CALB1: variants seen among roughly 807,000 people sequenced by gnomAD.
CALB1 encodes calbindin 1, also known as calbindin.
A neutral mutation model predicts 46.7 loss-of-function variants in CALB1; 16 were observed. The observed-to-expected ratio is 0.34, with a 90% CI of 0.23 to 0.52. The LOEUF (loss-of-function observed/expected upper bound fraction) is 0.52, where lower values mean the gene tolerates loss of function less well. Ranked by LOEUF, CALB1 falls within the 20% of genes least tolerant of loss-of-function variation. CALB1 has a pLI of 0.95. For synonymous variants in CALB1, 90 were observed against 112.8 expected (o/e 0.80, Z 1.28); for missense variants, 224 against 300.3 (o/e 0.75, Z 1.88).
intron 3 of CALB1, among the ~76,000 whole-genome samples, chr8:90,073,063 CTG>C (rs1017252303): frequency 3.3e-5 from 5 of 152,124 alleles, no homozygotes; most frequent in Admixed American, 2.0e-4. Flanking sequence ...AGGATGGGGT[CTG>C]TGTCTTATTT....
chr8:90,080,683 G>A (rs913748504), intron 2 of CALB1, among the ~76,000 whole-genome samples: 1 of 151,696 alleles, frequency 6.6e-6, no homozygotes, highest in African/African-American at 2.4e-5. Flanking sequence ...TTAAATCTGG[G>A]TAAAACAATC....
chr8:90,082,253 G>T (rs778930422), intron 1 of CALB1, 151 bp from the exon 2 acceptor site: 1 of 666,838 alleles, frequency 1.5e-6, no homozygotes, highest in South Asian at 1.8e-5. Flanking sequence ...ACGGTGAAGC[G>T]CTCCCCTCCT....
chr8:90,073,836 T>A (rs1282115067), intron 3 of CALB1, among the ~76,000 whole-genome samples: 1 of 152,118 alleles, frequency 6.6e-6, no homozygotes, highest in Non-Finnish European at 1.5e-5. Flanking sequence ...CCCCTGACAA[T>A]TTCAAAGCAG....
At chr8:90,068,582 T>A (rs1814442253) in intron 5 of CALB1, among the ~76,000 whole-genome samples, 1 of 152,198 alleles carries the variant, frequency 6.6e-6, no homozygotes, top group African/African-American at 2.4e-5. Context: ...TACGCAAAGA[T>A]TAAATAAGGC....
At chr8:90,066,620 A>G (rs1814403120) in intron 5 of CALB1, among the ~76,000 whole-genome samples, 1 of 152,068 alleles carries the variant, frequency 6.6e-6, no homozygotes, top group Admixed American at 6.5e-5. Flanking sequence ...TGAAAGATAT[A>G]TGAATCATAT....
At chr8:90,068,861 A>T in intron 5 of CALB1, 137 bp downstream of exon 5, 1 of 598,260 alleles carries the variant, frequency 1.7e-6, no homozygotes, top group Non-Finnish European at 2.9e-6. Context: ...TTCATTAACA[A>T]TGTCGAAGAG....
intron 3 of CALB1, among the ~76,000 whole-genome samples, chr8:90,072,085 T>C (rs1814532311): frequency 1.3e-5 from 2 of 152,338 alleles, no homozygotes; most frequent in East Asian, 3.9e-4. Context: ...TTTGTTTGGA[T>C]TTTTATAATT....
Position 90,059,984 on chromosome 8 carries a change from A to G in CALB1, c.*189T>C. The G allele has an allele frequency of 2.0e-6, 1 of 487,898 alleles. No individual in the cohort carries two copies. Among genetic ancestry groups the G allele is most frequent in the Non-Finnish European group, 3.6e-6 (1 of 275,426 alleles). The allele number at this position is 487,898 out of a possible 1,614,324, so 30.2% of individuals were successfully genotyped here. ...CATAGACTTTCTTCTTTTCAATCATATGGTTACAAAAACTGTATATTACAA... is the reference window on the plus strand; with the variant it reads ...CATAGACTTTCTTCTTTTCAATCATGTGGTTACAAAAACTGTATATTACAA... On this transcript the variant is annotated 3_prime_UTR_variant, in exon 11 of 11. Coordinates refer to ENST00000265431, the MANE Select transcript of CALB1 (RefSeq NM_004929.4).
At chr8:90,070,260 A>T (rs1814485833) in intron 3 of CALB1, among the ~76,000 whole-genome samples, 1 of 150,716 alleles carries the variant, frequency 6.6e-6, no homozygotes, top group Non-Finnish European at 1.5e-5. Context: ...TTAAATAATG[A>T]ATCTACACAC....
At chr8:90,071,379 T>A (rs1023428041) in intron 3 of CALB1, among the ~76,000 whole-genome samples, 4 of 151,896 alleles carry the variant, frequency 2.6e-5, no homozygotes, top group Non-Finnish European at 5.9e-5. Flanking sequence ...AAGTTAGGCC[T>A]AGAATGTAGG....
intron 3 of CALB1, among the ~76,000 whole-genome samples, chr8:90,072,572 A>G (rs1053737793): frequency 6.6e-6 from 1 of 152,220 alleles, no homozygotes; most frequent in Non-Finnish European, 1.5e-5. Context: ...CTTTCTTAAG[A>G]TATGTTTCAC....
rs758512158 is a variant in CALB1, at chr8:90,069,244, A to G, written c.232-7T>C. On this transcript the variant is annotated splice_polypyrimidine_tract_variant and splice_region_variant and intron_variant, in intron 3 of 10. Transcript: ENST00000265431. ...TGGGTAATACGTGAGCCAACTGGAA[A>G]AGATTTAAGAAGAGAGAAACGTGTT... is the stretch of plus-strand genomic sequence containing the variant. The G allele has an allele frequency of 7.5e-6, 12 of 1,607,302 alleles. No individual in the cohort carries two copies. In the Middle Eastern group the frequency reaches 8.3e-4, roughly 111 times the overall value.
intron 6 of CALB1, chr8:90,064,027 C>T (rs1029182515): frequency 6.6e-6 from 1 of 151,704 alleles, no homozygotes; most frequent in African/African-American, 2.4e-5. Context: ...ACACTCATAC[C>T]CGTATTTGGG....
chr8:90,072,575 T>C (rs1184747824), intron 3 of CALB1, among the ~76,000 whole-genome samples: 1 of 152,234 alleles, frequency 6.6e-6, no homozygotes, highest in Non-Finnish European at 1.5e-5. Flanking sequence ...TCTTAAGATA[T>C]GTTTCACAAT....
At position 90,059,413 on chromosome 8, in the gene CALB1, G is replaced by A. The variant is rs1011404862; in HGVS notation, c.*760C>T. On this transcript the variant is annotated 3_prime_UTR_variant, in exon 11 of 11. Transcript: ENST00000265431. ...TAAATTTAATCAGAGATTACACAGAGTATGACATAAAACAGCAGTTGACTA... is the reference window on the plus strand; with the variant it reads ...TAAATTTAATCAGAGATTACACAGAATATGACATAAAACAGCAGTTGACTA... The A allele has an allele frequency of 6.6e-6, 1 of 152,546 alleles. No individual in the cohort carries two copies. The highest frequency in any genetic ancestry group is 6.6e-5 in the Admixed American group (1 of 15,262). 9.4% of individuals were successfully genotyped at this position (152,546 alleles called of 1,614,324 possible).
At position 90,059,298 on chromosome 8, in the gene CALB1, G is replaced by A. The variant is rs1814252939; in HGVS notation, c.*875C>T. 6.6e-6 allele frequency: 1 copy of A among 152,438 alleles called. No individual in the cohort carries two copies. The highest frequency in any genetic ancestry group is 2.1e-4 in the South Asian group (1 of 4,824). The allele number at this position is 152,438 out of a possible 1,614,324, so 9.4% of individuals were successfully genotyped here. On this transcript the variant is annotated 3_prime_UTR_variant, in exon 11 of 11. Coordinates refer to ENST00000265431, the MANE Select transcript of CALB1 (RefSeq NM_004929.4). ...TAGCTAGAAAAAAATATTTTCAGAG[G>A]CAGCAGATACCCTTGGTGGAAATGA...
chr8:90,066,089 G>A, intron 5 of CALB1, 114 bp from the exon 6 acceptor site: 2 of 714,956 alleles, frequency 2.8e-6, no homozygotes, highest in South Asian at 3.2e-5. Flanking sequence ...CTCCTTTTGA[G>A]GGGTAGAAGC....
At chr8:90,079,190 A>G (rs1267388072) in intron 2 of CALB1, among the ~76,000 whole-genome samples, 1 of 151,918 alleles carries the variant, frequency 6.6e-6, no homozygotes. Flanking sequence ...GGGAAAGCAA[A>G]TTAAGGTCTC....
At chr8:90,064,643 A>C (rs1248294121) in intron 6 of CALB1, among the ~76,000 whole-genome samples, 1 of 151,814 alleles carries the variant, frequency 6.6e-6, no homozygotes, top group Non-Finnish European at 1.5e-5. Flanking sequence ...AAAATTGATA[A>C]ATGTAGGTTA....
Sources: gnomAD v4.1 joint callset for allele counts (sites outside exome capture counted in the v4.1 genomes callset) on GRCh38, gnomAD v4.1.1 for gene constraint, MANE v1.5 for transcripts, NCBI Gene and HGNC (gene_info 2026-07-23, HGNC 2026-07-21) for gene names.